Variants in SEMA4D observed in about 807,000 individuals in gnomAD.
SEMA4D encodes semaphorin-4D.
SEMA4D carries 22 observed loss-of-function variants against 74.8 expected under a neutral mutation model. The observed-to-expected ratio is 0.29, with a 90% CI of 0.21 to 0.42. The LOEUF (loss-of-function observed/expected upper bound fraction) is 0.42, where lower values mean the gene tolerates loss of function less well. SEMA4D is among the 10% of genes least tolerant of loss of function. The pLI, the probability that SEMA4D is intolerant of heterozygous loss-of-function variation, is 1.00. For missense variants in SEMA4D, 937 were observed against 1,118.4 expected, an observed-to-expected ratio of 0.84 and a Z score of 2.31; for synonymous variants, 445 against 463.7, an observed-to-expected ratio of 0.96 and a Z score of 0.52.
chr9:89,384,809 GGCGGCACAGTCTT>G, intron 13 of SEMA4D: 3 of 985,368 alleles, frequency 3.0e-6, no homozygotes, highest in Non-Finnish European at 3.6e-6. Context: ...GATGGGGTCA[GGCGGCACAGTCTT>G]TTTACCACTG....
At chr9:89,364,068 C>G in intron 16 of SEMA4D, 2 of 1,589,706 alleles carry the variant, frequency 1.3e-6, no homozygotes, top group South Asian at 2.3e-5. Flanking sequence ...TGACTTGGGA[C>G]AACTTCCAAT....
At position 89,411,574 on chromosome 9, in the gene SEMA4D, T is replaced by C. The variant is rs141126777; in HGVS notation, c.-243-5875A>G. Among the ~76,000 whole-genome samples, 81 of 152,370 alleles carry C rather than the reference T, an allele frequency of 5.3e-4. No homozygotes were observed. In the East Asian group the frequency reaches 0.014, roughly 26 times the overall value. On this transcript the variant is annotated intron_variant, in intron 2 of 15. Transcript: ENST00000422704. ...GGGACAAAGGGACAAGACAAGCAAG[T>C]GCTGCTTCCTCTCTCAAGTTAAAGA...
At chr9:89,365,850 T>G (rs549549177) in intron 16 of SEMA4D, among the ~76,000 whole-genome samples, 79 of 152,172 alleles carry the variant, frequency 5.2e-4, no homozygotes, top group Non-Finnish European at 1.0e-3. Flanking sequence ...AAAGAAGAGA[T>G]CGCCAGTTTA....
chr9:89,368,994 A>C (rs946439995), intron 16 of SEMA4D: 1 of 152,242 alleles, frequency 6.6e-6, no homozygotes, highest in African/African-American at 2.4e-5. Context: ...GAATTATCCC[A>C]GATAACAGAA....
At chr9:89,369,356 G>A (rs1834185210) in intron 16 of SEMA4D, 1 of 152,170 alleles carries the variant, frequency 6.6e-6, no homozygotes. Context: ...AAACATAAAA[G>A]GCCATCCCAA....
chr9:89,447,239 GCCTGC>G (rs1354285667), intron 2 of SEMA4D, among the ~76,000 whole-genome samples: 3 of 152,040 alleles, frequency 2.0e-5, no homozygotes, highest in African/African-American at 7.2e-5. Context: ...TTCTGAGGGG[GCCTGC>G]CCTGGGAGAC....
In SEMA4D at chr9:89,426,649, C is replaced by T. The variant is rs1848181856; in HGVS notation, c.-243-20950G>A. On this transcript the variant is annotated intron_variant, in intron 2 of 15. Coordinates refer to ENST00000422704, the MANE Select transcript of SEMA4D (RefSeq NM_001371194.2). ...CTGACCTTAAATGCTGTCTTACCGTCGTGCGCAGACACCAGGTGCACGCAG... is the reference window on the plus strand; with the variant it reads ...CTGACCTTAAATGCTGTCTTACCGTTGTGCGCAGACACCAGGTGCACGCAG... 2.6e-5 allele frequency among the ~76,000 whole-genome samples: 4 copies of T among 152,296 alleles called. 1 individual carries two copies. In the South Asian group the frequency reaches 6.2e-4, roughly 24 times the overall value.
intron 2 of SEMA4D, 47 bp downstream of exon 2, chr9:89,455,841 A>G (rs1163323948): frequency 6.6e-6 from 1 of 152,280 alleles, no homozygotes; most frequent in Non-Finnish European, 1.5e-5. Flanking sequence ...AGCCAGTTCC[A>G]AAAGGAACCA....
intron 2 of SEMA4D, among the ~76,000 whole-genome samples, chr9:89,433,213 G>A (rs956944270): frequency 1.3e-5 from 2 of 152,248 alleles, no homozygotes; most frequent in Non-Finnish European, 1.5e-5. Flanking sequence ...ATAGAGGCAT[G>A]GATGTAGCAG....
chr9:89,459,533 TG>T (rs71507800), intron 1 of SEMA4D, among the ~76,000 whole-genome samples: 3 of 152,070 alleles, frequency 2.0e-5, no homozygotes, highest in Admixed American at 6.5e-5. Context: ...ACAAGGGTGT[TG>T]GGGGGGAGTC....
intron 2 of SEMA4D, among the ~76,000 whole-genome samples, chr9:89,431,253 G>GGCTCCT (rs996721732): frequency 1.1e-4 from 17 of 152,252 alleles, no homozygotes; most frequent in East Asian, 3.9e-4. Flanking sequence ...TAACCCTGGC[G>GGCTCCT]GCTCCTGCTC....
At position 89,393,628 on chromosome 9, in the gene SEMA4D, T is replaced by A; in HGVS notation, c.442A>T (p.Lys148Ter). Reference sequence around the variant, plus strand: ...CATCTTCCTTTGCCATCTTCATTTTTCCCCAGAAACTTAAAGGATGTTAAG... The same window carrying A: ...CATCTTCCTTTGCCATCTTCATTTTACCCCAGAAACTTAAAGGATGTTAAG... Reference protein sequence around the residue: ...LNLTSFKFLGKNEDGKGRCPF... With the variant: ...LNLTSFKFLG The change falls in exon 7 of 16, where the codon AAA (lysine) becomes TAA (stop). Residue 148 changes from lysine to a stop codon, truncating the protein, a stop_gained. Transcript: ENST00000422704. LOFTEE classifies it high-confidence loss of function. 6.2e-7 allele frequency: 1 copy of A among 1,614,112 alleles called. No homozygotes were observed. Among genetic ancestry groups the A allele is most frequent in the Non-Finnish European group, 8.5e-7 (1 of 1,179,932 alleles).
intron 5 of SEMA4D, 63 bp downstream of exon 5, chr9:89,399,213 G>A: frequency 7.2e-7 from 1 of 1,382,842 alleles, no homozygotes; most frequent in Non-Finnish European, 1.0e-6. Context: ...CTGGCATTCA[G>A]TAGATTAAAA....
At chr9:89,396,632 A>ATT (rs999624864) in intron 6 of SEMA4D, 105 bp downstream of exon 6, 17 of 913,740 alleles carry the variant, frequency 1.9e-5, no homozygotes, top group South Asian at 5.1e-5. Flanking sequence ...AGAAAATCCT[A>ATT]TTTTTTTTTA....
intron 2 of SEMA4D, among the ~76,000 whole-genome samples, chr9:89,425,476 A>G (rs746468592): frequency 6.6e-6 from 1 of 152,240 alleles, no homozygotes; most frequent in African/African-American, 2.4e-5. Context: ...GTCACCTGGA[A>G]GCAGCACGTG....
rs181400752 is a variant in SEMA4D, at chr9:89,480,759, G to A, written c.-310+17160C>T. Among the ~76,000 whole-genome samples the A allele has an allele frequency of 4.2e-3, 636 of 152,344 alleles. 8 individuals are homozygous for A. Among genetic ancestry groups the A allele is most frequent in the African/African-American group, 0.014 (593 of 41,582 alleles). On this transcript the variant is annotated intron_variant, in intron 1 of 15. Coordinates refer to ENST00000422704, the MANE Select transcript of SEMA4D (RefSeq NM_001371194.2). ...GCCCACCCGGAACTCCAGCTGGCCC[G>A]CAAGTGCCGCACACAGCCCCTGTTC...
At chr9:89,487,568 T>A (rs1306117519) in intron 1 of SEMA4D, among the ~76,000 whole-genome samples, 1 of 152,136 alleles carries the variant, frequency 6.6e-6, no homozygotes, top group African/African-American at 2.4e-5. Flanking sequence ...AAAGGCATTC[T>A]AACTGGAAAG....
intron 2 of SEMA4D, among the ~76,000 whole-genome samples, chr9:89,429,831 G>A (rs77049862): frequency 1.3e-5 from 2 of 152,124 alleles, no homozygotes; most frequent in African/African-American, 2.4e-5. Context: ...GAAATTACGC[G>A]GTTTGCAAAC....
At chr9:89,410,800 A>G (rs1260288037) in intron 2 of SEMA4D, among the ~76,000 whole-genome samples, 1 of 152,244 alleles carries the variant, frequency 6.6e-6, no homozygotes, top group Non-Finnish European at 1.5e-5. Flanking sequence ...TGAGGCTTCC[A>G]GAAAGAAACA....
Sources: gnomAD v4.1 joint callset for allele counts (sites outside exome capture counted in the v4.1 genomes callset) on GRCh38, gnomAD v4.1.1 for gene constraint, MANE v1.5 for transcripts, NCBI Gene and HGNC (gene_info 2026-07-23, HGNC 2026-07-21) for gene names.